Variants in FOXP1 observed in about 807,000 individuals in gnomAD.
FOXP1 encodes forkhead box protein P1.
FOXP1 carries 15 observed loss-of-function variants against 98.2 expected under a neutral mutation model. That is an observed-to-expected ratio of 0.15 (90% CI 0.10 to 0.24). FOXP1 has a LOEUF of 0.24. FOXP1 is among the 10% of genes least tolerant of loss of function. FOXP1 has a pLI of 1.00. For missense variants in FOXP1, 633 were observed against 848.5 expected (o/e 0.75, Z 3.15); for synonymous variants, 371 against 314.5 (o/e 1.18, Z -1.90).
chr3:71,514,653 T>C (rs375593825), intron 2 of FOXP1, among the ~76,000 whole-genome samples: 3 of 152,232 alleles, frequency 2.0e-5, no homozygotes, highest in Non-Finnish European at 4.4e-5. Context: ...GAAGGGTATG[T>C]TCTCTTCACC....
chr3:70,972,803 G>A (rs1056278936), intron 17 of FOXP1, 127 bp from the exon 18 acceptor site: 27 of 865,412 alleles, frequency 3.1e-5, no homozygotes, highest in East Asian at 1.9e-4. Flanking sequence ...TACCACCCCC[G>A]TGGAGGACCT....
chr3:71,419,804 T>C (rs1035900893), intron 3 of FOXP1, among the ~76,000 whole-genome samples: 1 of 151,724 alleles, frequency 6.6e-6, no homozygotes, highest in African/African-American at 2.4e-5. Flanking sequence ...AGGAGCTAGG[T>C]ATTTTTTTTT....
At chr3:71,446,160 G>A (rs991378609) in intron 3 of FOXP1, among the ~76,000 whole-genome samples, 8 of 152,108 alleles carry the variant, frequency 5.3e-5, no homozygotes, top group African/African-American at 1.9e-4. Context: ...GAGAAGCCTG[G>A]GCCTCATGGA....
intron 3 of FOXP1, among the ~76,000 whole-genome samples, chr3:71,401,762 G>C (rs981987762): frequency 6.6e-6 from 1 of 152,128 alleles, no homozygotes; most frequent in Non-Finnish European, 1.5e-5. Context: ...AACTAAAGAC[G>C]AGGCTCTCCC....
At chr3:71,224,386 G>C (rs1238381440) in intron 5 of FOXP1, among the ~76,000 whole-genome samples, 1 of 152,216 alleles carries the variant, frequency 6.6e-6, no homozygotes, top group Non-Finnish European at 1.5e-5. Flanking sequence ...TGCAGTGGCA[G>C]AAGAAGGGAT....
chr3:71,030,453 A>T (rs1254266702), intron 11 of FOXP1, among the ~76,000 whole-genome samples: 3 of 151,706 alleles, frequency 2.0e-5, no homozygotes, highest in African/African-American at 7.3e-5. Flanking sequence ...AATAATACTT[A>T]CTCCCTTTCC....
intron 7 of FOXP1, among the ~76,000 whole-genome samples, chr3:71,068,234 T>C (rs904595217): frequency 3.3e-5 from 5 of 152,170 alleles, no homozygotes; most frequent in Non-Finnish European, 7.3e-5. Context: ...TAAGAACAGA[T>C]TACTATGATC....
chr3:71,174,251 A>C (rs2108235392), intron 6 of FOXP1, among the ~76,000 whole-genome samples: 1 of 152,244 alleles, frequency 6.6e-6, no homozygotes, highest in South Asian at 2.1e-4. Context: ...AGGGGGGAAA[A>C]ACCCACTTCC....
chr3:71,389,196 CCTCCAATCAATTAGGA>C (rs1347483817), intron 3 of FOXP1, among the ~76,000 whole-genome samples: 2 of 135,046 alleles, frequency 1.5e-5, no homozygotes, highest in Non-Finnish European at 3.0e-5. Context: ...TTCAGTGAGG[CCTCCAATCAATTAGGA>C]CTCCATATGC....
chr3:71,141,070 C>A (rs2060043980), intron 6 of FOXP1, among the ~76,000 whole-genome samples: 1 of 151,860 alleles, frequency 6.6e-6, no homozygotes, highest in Middle Eastern at 3.2e-3. Flanking sequence ...AGATAGAGAC[C>A]ATCCTGGCTA....
intron 3 of FOXP1, among the ~76,000 whole-genome samples, chr3:71,402,995 G>T (rs533589472): frequency 6.6e-6 from 1 of 152,270 alleles, no homozygotes; most frequent in Non-Finnish European, 1.5e-5. Flanking sequence ...AATCAACTAG[G>T]TTGTCTTTTT....
intron 5 of FOXP1, among the ~76,000 whole-genome samples, chr3:71,268,014 T>C (rs2107262639): frequency 1.1e-5 from 1 of 88,334 alleles, no homozygotes; most frequent in African/African-American, 4.3e-5. Flanking sequence ...CGAGACTCCG[T>C]CTCAAAAAAA....
At chr3:71,270,227 T>C (rs1222131562) in intron 5 of FOXP1, among the ~76,000 whole-genome samples, 1 of 152,160 alleles carries the variant, frequency 6.6e-6, no homozygotes, top group East Asian at 1.9e-4. Flanking sequence ...CTCTTAAGAA[T>C]CAAAGCGTTA....
intron 5 of FOXP1, among the ~76,000 whole-genome samples, chr3:71,279,192 A>AAAAAAAACAAAAAAAAAAAAAC (rs368277709): frequency 7.2e-6 from 1 of 139,358 alleles, no homozygotes; most frequent in Non-Finnish European, 1.6e-5. Context: ...AAAAAAAAAA[A>AAAAAAAACAAAAAAAAAAAAAC]AGAAAGAAAT....
intron 7 of FOXP1, among the ~76,000 whole-genome samples, chr3:71,109,398 T>C (rs1331268919): frequency 6.8e-6 from 1 of 147,618 alleles, no homozygotes; most frequent in African/African-American, 2.5e-5. Context: ...GCTTAAAATA[T>C]GAGTCACAGT....
chr3:71,199,163 A>C (rs1413116160), intron 5 of FOXP1, among the ~76,000 whole-genome samples: 1 of 148,410 alleles, frequency 6.7e-6, no homozygotes, highest in East Asian at 2.0e-4. Flanking sequence ...GATGAAGTGC[A>C]GTGGCGCTAT....
chr3:71,240,698 T>C (rs112825838), intron 5 of FOXP1, among the ~76,000 whole-genome samples: 19,929 of 151,416 alleles, frequency 0.13, 1,405 homozygotes, highest in Non-Finnish European at 0.16. Context: ...CGTGCCACCA[T>C]GCCCGGCTAA....
intron 7 of FOXP1, among the ~76,000 whole-genome samples, chr3:71,054,545 GC>G (rs2050352111): frequency 6.6e-6 from 1 of 152,180 alleles, no homozygotes; most frequent in African/African-American, 2.4e-5. Context: ...AAAATGACAG[GC>G]TGTCTTGGCC....
At chr3:71,054,285 GACCCTTCGCATGATGCCTTTT>G (rs2050315584) in intron 7 of FOXP1, among the ~76,000 whole-genome samples, 1 of 152,194 alleles carries the variant, frequency 6.6e-6, no homozygotes, top group African/African-American at 2.4e-5. Flanking sequence ...CTTAAACACA[GACCCTTCGCATGATGCCTTTT>G]ACTCTTCCTT....
Sources: gnomAD v4.1 joint callset for allele counts (sites outside exome capture counted in the v4.1 genomes callset) on GRCh38, gnomAD v4.1.1 for gene constraint, MANE v1.5 for transcripts, NCBI Gene and HGNC (gene_info 2026-07-23, HGNC 2026-07-21) for gene names.